The following KMT2C variants were observed in gnomAD, a reference collection of about 807,000 sequenced individuals.
The protein encoded by KMT2C is histone-lysine N-methyltransferase 2C.
In KMT2C, 88 loss-of-function variants were observed where a neutral mutation model predicts 507.9. The ratio of observed to expected loss-of-function variants is 0.17; its 90% CI spans 0.15 to 0.21. The LOEUF (loss-of-function observed/expected upper bound fraction) is 0.21. Ranked by LOEUF, KMT2C falls within the 10% of genes least tolerant of loss-of-function variation. The pLI, the probability that KMT2C is intolerant of heterozygous loss-of-function variation, is 1.00. For synonymous variants in KMT2C, 2,049 were observed against 2,080.8 expected, an observed-to-expected ratio of 0.98 and a Z score of 0.42; for missense variants, 4,954 against 5,957.8, an observed-to-expected ratio of 0.83 and a Z score of 5.55.
At chr7:152,320,793 T>C (rs79013413) in intron 3 of KMT2C, among the ~76,000 whole-genome samples, 37 of 152,136 alleles carry the variant, frequency 2.4e-4, no homozygotes, top group Admixed American at 7.2e-4. Flanking sequence ...GTTCACATTC[T>C]TTTCAAGTAT....
chr7:152,258,994 T>C (rs571854704), intron 9 of KMT2C, among the ~76,000 whole-genome samples: 2 of 152,350 alleles, frequency 1.3e-5, no homozygotes, highest in South Asian at 4.1e-4. Flanking sequence ...GAATAATGTG[T>C]GCTTCCAGCT....
At chr7:152,243,479 T>G (rs2095420152) in intron 14 of KMT2C, among the ~76,000 whole-genome samples, 1 of 152,210 alleles carries the variant, frequency 6.6e-6, no homozygotes, top group African/African-American at 2.4e-5. Context: ...TTTATGAAAT[T>G]TTCTTGAAAT....
intron 6 of KMT2C, among the ~76,000 whole-genome samples, chr7:152,280,416 T>C (rs1453211297): frequency 6.6e-6 from 1 of 151,380 alleles, no homozygotes; most frequent in Non-Finnish European, 1.5e-5. Context: ...GCCGGCGTGG[T>C]GGCGCACGCC....
Position 152,172,388 on chromosome 7 carries a change from G to A in KMT2C, c.9375-1046C>T, listed in dbSNP as rs570266708. ...CAGATGCTGAAAGGCCTCAAATTCT[G>A]AGGTCCATATTTAAAACTAAGTGCT... is the stretch of plus-strand genomic sequence containing the variant. On this transcript the variant is annotated intron_variant, in intron 39 of 58. Coordinates refer to ENST00000262189, the MANE Select transcript of KMT2C (RefSeq NM_170606.3). Among the ~76,000 whole-genome samples the A allele has an allele frequency of 1.3e-3, 192 of 152,280 alleles. 1 individual carries two copies. Among genetic ancestry groups the A allele is most frequent in the Middle Eastern group, 0.01 (3 of 294 alleles).
At chr7:152,330,950 T>C (rs1223918013) in intron 2 of KMT2C, among the ~76,000 whole-genome samples, 1 of 152,208 alleles carries the variant, frequency 6.6e-6, no homozygotes, top group African/African-American at 2.4e-5. Context: ...ATGTGAAGCA[T>C]GGTATACTTT....
intron 1 of KMT2C, among the ~76,000 whole-genome samples, chr7:152,413,641 T>C (rs200147339): frequency 2.6e-5 from 4 of 151,338 alleles, no homozygotes; most frequent in African/African-American, 9.8e-5. Flanking sequence ...TCCCAGCACT[T>C]TGGGAGGCCG....
At chr7:152,205,272 C>A (rs771106448) in intron 24 of KMT2C, 47 bp from the exon 25 acceptor site, 3 of 1,556,738 alleles carry the variant, frequency 1.9e-6, no homozygotes, top group South Asian at 1.1e-5. Flanking sequence ...TTTCTCCCTA[C>A]ATTTCCACAG....
chr7:152,160,890 A>G (rs1043136176), intron 43 of KMT2C, among the ~76,000 whole-genome samples: 4 of 152,132 alleles, frequency 2.6e-5, no homozygotes, highest in African/African-American at 9.7e-5. Context: ...TGAGAACACG[A>G]GCATCAACAC....
intron 53 of KMT2C, among the ~76,000 whole-genome samples, chr7:152,146,381 G>A (rs771870313): frequency 2.1e-4 from 32 of 152,220 alleles, no homozygotes; most frequent in Non-Finnish European, 4.0e-4. Context: ...CAGCCTGGAA[G>A]AGAACCTGAA....
At chr7:152,390,518 C>T (rs1056602068) in intron 1 of KMT2C, among the ~76,000 whole-genome samples, 1 of 152,284 alleles carries the variant, frequency 6.6e-6, no homozygotes, top group African/African-American at 2.4e-5. Context: ...GTCATTATAG[C>T]TACTGAGTAC....
chr7:152,401,853 A>G (rs938819796), intron 1 of KMT2C, among the ~76,000 whole-genome samples: 2 of 152,310 alleles, frequency 1.3e-5, no homozygotes, highest in African/African-American at 4.8e-5. Flanking sequence ...GCTCACACCT[A>G]TAATCCCAGC....
At chr7:152,166,565 G>T (rs2092736125) in intron 42 of KMT2C, among the ~76,000 whole-genome samples, 1 of 151,944 alleles carries the variant, frequency 6.6e-6, no homozygotes, top group Admixed American at 6.6e-5. Flanking sequence ...TAAATATTCT[G>T]ATAAACTTCT....
rs561976013 is a variant in KMT2C at position 152,208,454 on chromosome 7, A to C, written c.3713-1026T>G. Reference sequence around the variant, plus strand: ...TGCTTTATTTTTATTGGTTCTTTAAAATCTGTGTCCCTGCTAGACTATATT... The same window carrying C: ...TGCTTTATTTTTATTGGTTCTTTAACATCTGTGTCCCTGCTAGACTATATT... On this transcript the variant is annotated intron_variant, in intron 23 of 58. Transcript: ENST00000262189. Among the ~76,000 whole-genome samples, 17 of 152,308 alleles carry C rather than the reference A, an allele frequency of 1.1e-4. 1 individual carries two copies. The highest frequency in any genetic ancestry group is 1.0e-3 in the Admixed American group (16 of 15,304).
intron 55 of KMT2C, among the ~76,000 whole-genome samples, chr7:152,140,228 T>C (rs1391523582): frequency 1.3e-5 from 2 of 152,204 alleles, no homozygotes; most frequent in Non-Finnish European, 2.9e-5. Context: ...ACTGATACTG[T>C]AAACAGGGTT....
At chr7:152,175,120 G>A (rs889887537) in intron 38 of KMT2C, among the ~76,000 whole-genome samples, 2 of 149,726 alleles carry the variant, frequency 1.3e-5, no homozygotes, top group East Asian at 2.0e-4. Context: ...TAATTTACCT[G>A]GAAAGAATCT....
In KMT2C at chr7:152,202,961, A is replaced by C; in HGVS notation, c.4065T>G (p.Leu1355=). The C allele has an allele frequency of 6.2e-6, 10 of 1,606,116 alleles. No homozygotes were observed. Among genetic ancestry groups the C allele is most frequent in the Non-Finnish European group, 8.5e-6 (10 of 1,174,600 alleles). ...KKRYRKRKNK[L]EETFPAYLQE... is the part of the protein sequence containing the mutation. Reference sequence around the variant, plus strand: ...GTAAATAGGCAGGGAAAGTTTCTTCAAGCTTATTTTTCCTTTTTCGGTATC... The same window carrying C: ...GTAAATAGGCAGGGAAAGTTTCTTCCAGCTTATTTTTCCTTTTTCGGTATC... Residue 1355 remains leucine, a synonymous_variant, in exon 26 of 59, where the codon CTT becomes CTG. Coordinates refer to ENST00000262189, the MANE Select transcript of KMT2C (RefSeq NM_170606.3).
At chr7:152,242,860 C>G (rs1437351645) in intron 14 of KMT2C, among the ~76,000 whole-genome samples, 1 of 152,164 alleles carries the variant, frequency 6.6e-6, no homozygotes, top group Non-Finnish European at 1.5e-5. Context: ...CTTTACACCT[C>G]CAAATCCTAA....
intron 49 of KMT2C, among the ~76,000 whole-genome samples, chr7:152,151,924 G>T (rs897104132): frequency 6.6e-5 from 10 of 152,164 alleles, no homozygotes; most frequent in African/African-American, 2.4e-4. Flanking sequence ...GGTTAAGATG[G>T]TAAAAAAACA....
chr7:152,224,138 A>T lies in KMT2C; in HGVS notation c.3200T>A (p.Leu1067Gln). The change falls in exon 20 of 59, where the codon CTA becomes CAA. Residue 1067 changes from leucine (L) to glutamine (Q), a missense_variant. Leu to Gln is a moderately radical substitution (Grantham distance 113). Around this residue, in one of 29 missense-constraint regions of KMT2C, gnomAD observed 52 missense variants for 162.4 expected, o/e 0.32. Coordinates refer to ENST00000262189, the MANE Select transcript of KMT2C (RefSeq NM_170606.3). ...CRHCGATSAG[L>Q]RCEWQNNYTQ... is the part of the protein sequence containing the mutation. The stretch of plus-strand genomic sequence containing the variant: ...GTAATTGTTCTGCCATTCACATCTT[A>T]GACCTGCAGATGTTGCTCCACAGTG... 6.2e-7 allele frequency: 1 copy of T among 1,606,848 alleles called. No homozygotes were observed. Among genetic ancestry groups the T allele is most frequent in the South Asian group, 1.1e-5 (1 of 90,858 alleles).
Sources: allele counts gnomAD v4.1 joint callset (sites outside exome capture counted in the v4.1 genomes callset), GRCh38; gene constraint gnomAD v4.1.1; regional missense constraint gnomAD v4.1.1; transcripts MANE v1.5; gene names NCBI Gene and HGNC (gene_info 2026-07-23, HGNC 2026-07-21).